STX12: variants seen among roughly 807,000 people sequenced by gnomAD.
STX12 encodes the protein syntaxin 12.
Under a neutral mutation model 42.2 loss-of-function variants are expected in STX12, and 17 were observed. The observed-to-expected ratio is 0.40, with a 90% CI of 0.28 to 0.60. The LOEUF is 0.60. STX12 is among the 20% of genes least tolerant of loss of function. The pLI is 0.39. For missense variants in STX12, 297 were observed against 330.9 expected (o/e 0.90, Z 0.79); for synonymous variants, 108 against 116.7 (o/e 0.93, Z 0.48).
intron 6 of STX12, among the ~76,000 whole-genome samples, chr1:27,816,930 G>C (rs1485697563): frequency 7.1e-6 from 1 of 141,024 alleles, no homozygotes; most frequent in African/African-American, 2.6e-5. Context: ...AAAAAAGAAA[G>C]AGAAAGGAAG....
intron 5 of STX12, among the ~76,000 whole-genome samples, chr1:27,810,611 C>T (rs2088896330): frequency 6.6e-6 from 1 of 152,120 alleles, no homozygotes; most frequent in Non-Finnish European, 1.5e-5. Context: ...GTCATCTTAC[C>T]TCTAATGCAG....
chr1:27,794,292 G>A (rs763330677), intron 3 of STX12, among the ~76,000 whole-genome samples: 9 of 152,184 alleles, frequency 5.9e-5, no homozygotes, highest in African/African-American at 1.2e-4. Flanking sequence ...CTCCCAAAGT[G>A]TTGGGATTAC....
intron 1 of STX12, among the ~76,000 whole-genome samples, chr1:27,781,656 C>T (rs990212139): frequency 6.6e-6 from 1 of 151,974 alleles, no homozygotes; most frequent in Non-Finnish European, 1.5e-5. Flanking sequence ...AAGCAATTTT[C>T]CCTCACAGTT....
chr1:27,790,637 G>T (rs2088733603), intron 2 of STX12, among the ~76,000 whole-genome samples: 1 of 152,190 alleles, frequency 6.6e-6, no homozygotes, highest in African/African-American at 2.4e-5. Context: ...ATCTAGAGAT[G>T]ATTTAAAGTA....
intron 4 of STX12, 126 bp downstream of exon 4, chr1:27,801,941 G>A: frequency 8.5e-7 from 1 of 1,176,280 alleles, no homozygotes; most frequent in Non-Finnish European, 1.2e-6. Flanking sequence ...TGGCAGGTTG[G>A]TGTAACCTAT....
intron 3 of STX12, among the ~76,000 whole-genome samples, chr1:27,801,476 G>T (rs2088828257): frequency 6.6e-6 from 1 of 151,622 alleles, no homozygotes; most frequent in Admixed American, 6.6e-5. Context: ...AATGAAAGAA[G>T]AAAAATTCTG....
chr1:27,802,015 T>G, intron 4 of STX12, 200 bp downstream of exon 4: 1 of 419,162 alleles, frequency 2.4e-6, no homozygotes, highest in Non-Finnish European at 4.1e-6. Flanking sequence ...TTAAGAGATA[T>G]AGGAGGAAGA....
intron 6 of STX12, among the ~76,000 whole-genome samples, chr1:27,816,284 A>G (rs930365755): frequency 5.3e-5 from 8 of 151,996 alleles, no homozygotes; most frequent in African/African-American, 1.9e-4. Context: ...ATTGCACTCC[A>G]GCCTAGCAAC....
intron 4 of STX12, among the ~76,000 whole-genome samples, chr1:27,803,183 T>C (rs1366493667): frequency 6.6e-6 from 1 of 152,172 alleles, no homozygotes; most frequent in Non-Finnish European, 1.5e-5. Flanking sequence ...AGTGATAATA[T>C]TCTAGAACTG....
At chr1:27,775,106 C>T (rs1376411965) in intron 1 of STX12, among the ~76,000 whole-genome samples, 1 of 152,066 alleles carries the variant, frequency 6.6e-6, no homozygotes, top group Non-Finnish European at 1.5e-5. Flanking sequence ...TCAGAAAATT[C>T]TAGTTCAAGG....
chr1:27,814,501 C>T (rs2088926886), intron 6 of STX12, among the ~76,000 whole-genome samples: 1 of 152,136 alleles, frequency 6.6e-6, no homozygotes, highest in Non-Finnish European at 1.5e-5. Flanking sequence ...GCAATCCAGC[C>T]TGGGCAACAG....
intron 6 of STX12, 52 bp from the exon 7 acceptor site, chr1:27,817,799 A>T: frequency 6.4e-7 from 1 of 1,564,762 alleles, no homozygotes; most frequent in Non-Finnish European, 8.8e-7. Flanking sequence ...GAGGGAAACA[A>T]ATCTTCTAAC....
chr1:27,819,893 CAGAT>C (rs1290058170), intron 8 of STX12, 161 bp downstream of exon 8: 10 of 560,110 alleles, frequency 1.8e-5, no homozygotes, highest in South Asian at 8.8e-5. Context: ...TTTTCCTTTG[CAGAT>C]AGATCTACAA....
chr1:27,807,213 T>TTA (rs1438927940), intron 4 of STX12, among the ~76,000 whole-genome samples: 2 of 152,184 alleles, frequency 1.3e-5, no homozygotes, highest in African/African-American at 4.8e-5. Flanking sequence ...GACAATTCAA[T>TTA]TATACTCTTT....
chr1:27,803,543 A>T (rs548643955), intron 4 of STX12, among the ~76,000 whole-genome samples: 12 of 152,326 alleles, frequency 7.9e-5, no homozygotes, highest in African/African-American at 2.9e-4. Flanking sequence ...TATTGAAGGA[A>T]ATTCTAAATA....
At chr1:27,793,126 G>A (rs1449119845) in intron 2 of STX12, among the ~76,000 whole-genome samples, 1 of 152,216 alleles carries the variant, frequency 6.6e-6, no homozygotes, top group African/African-American at 2.4e-5. Context: ...CTAACTGTCT[G>A]TGCCTAGATT....
chr1:27,782,571 C>T (rs2088675486), intron 1 of STX12, among the ~76,000 whole-genome samples: 1 of 152,138 alleles, frequency 6.6e-6, no homozygotes, highest in African/African-American at 2.4e-5. Flanking sequence ...GACACGGTGA[C>T]TCACACCTGT....
chr1:27,819,849 A>G, intron 8 of STX12, 117 bp downstream of exon 8: 1 of 766,982 alleles, frequency 1.3e-6, no homozygotes, highest in Non-Finnish European at 2.1e-6. Flanking sequence ...AAAGGAAAGT[A>G]GTCATAATTG....
At chr1:27,777,890 A>C (rs1195526339) in intron 1 of STX12, among the ~76,000 whole-genome samples, 1 of 152,120 alleles carries the variant, frequency 6.6e-6, no homozygotes, top group Admixed American at 6.6e-5. Context: ...CAGTCTCAAA[A>C]AAAAAAGAAA....
Sources: gnomAD v4.1 joint callset for allele counts (sites outside exome capture counted in the v4.1 genomes callset) on GRCh38, gnomAD v4.1.1 for gene constraint, MANE v1.5 for transcripts, NCBI Gene and HGNC (gene_info 2026-07-23, HGNC 2026-07-21) for gene names.